Variants in PI4K2B observed in about 807,000 individuals in gnomAD.
PI4K2B encodes phosphatidylinositol 4-kinase type 2 beta.
In PI4K2B, 46 loss-of-function variants were observed where a neutral mutation model predicts 56.6. The observed-to-expected ratio is 0.81, with a 90% CI of 0.64 to 1.04. The LOEUF (loss-of-function observed/expected upper bound fraction) is 1.04, where lower values mean the gene tolerates loss of function less well. Ranked by LOEUF, PI4K2B falls within the 50% of genes least tolerant of loss-of-function variation. PI4K2B has a pLI of 0.00. For synonymous variants in PI4K2B, 211 were observed against 223.8 expected, an observed-to-expected ratio of 0.94 and a Z score of 0.51; for missense variants, 556 against 607.7, an observed-to-expected ratio of 0.91 and a Z score of 0.89.
chr4:25,265,990 G>A (rs938007272), intron 7 of PI4K2B, among the ~76,000 whole-genome samples: 1 of 149,102 alleles, frequency 6.7e-6, no homozygotes, highest in Non-Finnish European at 1.5e-5. Flanking sequence ...TGTATTTCAC[G>A]TGTGTAGAGG....
intron 9 of PI4K2B, among the ~76,000 whole-genome samples, chr4:25,272,754 T>A (rs1405239827): frequency 3.3e-5 from 5 of 152,110 alleles, no homozygotes; most frequent in Admixed American, 2.6e-4. Context: ...TAATCCCAGT[T>A]TGGGAGGCCA....
intron 1 of PI4K2B, among the ~76,000 whole-genome samples, chr4:25,237,296 A>G (rs1715303510): frequency 6.6e-6 from 1 of 152,130 alleles, no homozygotes; most frequent in African/African-American, 2.4e-5. Context: ...TGTATGCTTC[A>G]TATATATTAA....
chr4:25,269,969 G>A (rs573684281), intron 9 of PI4K2B, among the ~76,000 whole-genome samples: 1 of 152,204 alleles, frequency 6.6e-6, no homozygotes, highest in South Asian at 2.1e-4. Flanking sequence ...GCCCGCCTCA[G>A]CCTCCCAAAG....
rs143490621 is a variant in PI4K2B, at chr4:25,256,546, G to A, written c.628G>A (p.Val210Ile). 6.2e-7 allele frequency: 1 copy of A among 1,612,318 alleles called. No homozygotes were observed. Among genetic ancestry groups the A allele is most frequent in the African/African-American group, 1.3e-5 (1 of 74,742 alleles). The stretch of plus-strand genomic sequence containing the variant: ...TTTCTGAATTGTATGTTTCTAGGTG[G>A]TTTGGCTTGTCAGTGAGACATTTAA... ...HLSIVPKTKV[V>I]WLVSETFNYN... Residue 210 changes from valine to isoleucine, a missense_variant, in exon 4 of 10, where the codon GTT (valine) becomes ATT (isoleucine). Physicochemically the swap from Val to Ile is conservative, Grantham distance 29 (BLOSUM62 3). Coordinates refer to ENST00000264864, the MANE Select transcript of PI4K2B (RefSeq NM_018323.4).
chr4:25,254,968 GTA>G, intron 2 of PI4K2B, 95 bp from the exon 3 acceptor site: 1 of 757,206 alleles, frequency 1.3e-6, no homozygotes, highest in Non-Finnish European at 2.2e-6. Flanking sequence ...TACATCTGTG[GTA>G]GGAAGCAGTA....
Position 25,234,076 on chromosome 4 carries a change from T to C in PI4K2B, c.-88T>C. The C allele has an allele frequency of 9.0e-7, 1 of 1,115,046 alleles. No individual in the cohort carries two copies. The highest frequency in any genetic ancestry group is 4.2e-5 in the Admixed American group (1 of 23,560). The allele number at this position is 1,115,046 out of a possible 1,614,324, so 69.1% of individuals were successfully genotyped here. On this transcript the variant is annotated 5_prime_UTR_variant, in exon 1 of 10. Transcript: ENST00000264864. ...GTGAGGTGGCGTCCGTTCTACCCGG[T>C]CGCTCCCGTTCCGCGCCATGCAGAG...
chr4:25,250,154 G>C (rs998657390), intron 1 of PI4K2B, among the ~76,000 whole-genome samples: 1 of 152,218 alleles, frequency 6.6e-6, no homozygotes, highest in Non-Finnish European at 1.5e-5. Flanking sequence ...GTTGCAGTGA[G>C]CCGAGATGGC....
chr4:25,262,102 G>C (rs1028815964), intron 6 of PI4K2B, among the ~76,000 whole-genome samples: 4 of 152,018 alleles, frequency 2.6e-5, no homozygotes, highest in Non-Finnish European at 4.4e-5. Context: ...CTGAGACCCT[G>C]TGTCTACAAA....
chr4:25,265,462 G>A (rs1167016448), intron 7 of PI4K2B, among the ~76,000 whole-genome samples: 3 of 151,846 alleles, frequency 2.0e-5, no homozygotes, highest in Admixed American at 6.6e-5. Context: ...TTATGTTCAT[G>A]CTATATCGCT....
At chr4:25,236,185 A>G (rs989831113) in intron 1 of PI4K2B, among the ~76,000 whole-genome samples, 1 of 145,510 alleles carries the variant, frequency 6.9e-6, no homozygotes, top group African/African-American at 2.6e-5. Context: ...CTGTCTTGAG[A>G]CAGAGCAAGA....
chr4:25,254,357 T>A, intron 2 of PI4K2B: 1 of 831,906 alleles, frequency 1.2e-6, no homozygotes, highest in Non-Finnish European at 1.4e-6. Flanking sequence ...TAGTGAATAA[T>A]AACACTGTTT....
intron 9 of PI4K2B, 185 bp from the exon 10 acceptor site, chr4:25,276,829 G>A (rs557674939): frequency 3.2e-4 from 314 of 981,228 alleles, no homozygotes; most frequent in Non-Finnish European, 3.7e-4. Flanking sequence ...GCGTGTGTGT[G>A]TGCGCGTGTG....
In PI4K2B at chr4:25,234,213, G is replaced by A. The variant is rs757714447; in HGVS notation, c.50G>A (p.Ser17Asn). Residue 17 changes from serine (S) to asparagine (N), a missense_variant, in exon 1 of 10, where the codon AGC becomes AAC. Ser to Asn is a conservative substitution (Grantham distance 46). Transcript: ENST00000264864. The part of the protein sequence containing the change: ...PDRLASADGG[S>N]PEEEEDGERE... ...CGGTTGGCGTCCGCGGACGGCGGGA[G>A]CCCGGAGGAGGAGGAGGATGGGGAG... 4 of 1,414,686 alleles carry A rather than the reference G, an allele frequency of 2.8e-6. No individual in the cohort carries two copies. The highest frequency in any genetic ancestry group is 3.0e-5 in the South Asian group (2 of 67,162). The allele number at this position is 1,414,686 out of a possible 1,614,324, so 87.6% of individuals were successfully genotyped here.
At chr4:25,267,498 C>G (rs907616851) in intron 7 of PI4K2B, among the ~76,000 whole-genome samples, 3 of 152,174 alleles carry the variant, frequency 2.0e-5, no homozygotes, top group African/African-American at 7.2e-5. Flanking sequence ...GAGGCTATAG[C>G]GAACTATGAT....
rs764686506 is a variant in PI4K2B, at chr4:25,234,343, C to A, written c.180C>A (p.Gly60=). The A allele has an allele frequency of 6.7e-5, 94 of 1,407,310 alleles. No individual in the cohort carries two copies. In the African/African-American group the frequency reaches 1.3e-3, roughly 20 times the overall value. The allele number at this position is 1,407,310 out of a possible 1,614,324, so 87.2% of individuals were successfully genotyped here. Reference sequence around the variant, plus strand: ...CTGCCGGGGAGGAGGGCGAGGCCGGCGACGAGGAGCTGCCCCTCCCGCCCG... The same window carrying A: ...CTGCCGGGGAGGAGGGCGAGGCCGGAGACGAGGAGCTGCCCCTCCCGCCCG... ...LDAAGEEGEA[G]DEELPLPPGD... is the part of the protein sequence containing the mutation. The change falls in exon 1 of 10, where the codon GGC becomes GGA. Residue 60 remains glycine (G), a synonymous_variant. Coordinates refer to ENST00000264864, the MANE Select transcript of PI4K2B (RefSeq NM_018323.4).
Position 25,249,443 on chromosome 4 carries a change from C to T in PI4K2B, c.269-2878C>T, listed in dbSNP as rs1033116027. Among the ~76,000 whole-genome samples, 40 of 145,696 alleles carry T rather than the reference C, an allele frequency of 2.7e-4. 1 individual carries two copies. The highest frequency in any genetic ancestry group is 8.9e-4 in the African/African-American group (36 of 40,396). On this transcript the variant is annotated intron_variant, in intron 1 of 9. Coordinates refer to ENST00000264864, the MANE Select transcript of PI4K2B (RefSeq NM_018323.4). ...AGGGCGGCTGGCCGGGCGGGGGCTGCCCCCCGCCTCCCGGATGGGGCGGCT... is the reference window on the plus strand; with the variant it reads ...AGGGCGGCTGGCCGGGCGGGGGCTGTCCCCCGCCTCCCGGATGGGGCGGCT...
At chr4:25,234,527 G>A in intron 1 of PI4K2B, 96 bp downstream of exon 1, 1 of 901,774 alleles carries the variant, frequency 1.1e-6, no homozygotes, top group East Asian at 3.4e-5. Context: ...GGCCGAGGTG[G>A]ACGGGCTTTC....
chr4:25,263,799 T>C lies in PI4K2B; in HGVS notation c.1028T>C (p.Ile343Thr), dbSNP rs1409922347. The change falls in exon 7 of 10, where the codon ATT becomes ACT. Residue 343 changes from isoleucine to threonine, a missense_variant. Physicochemically the swap from Ile to Thr is moderately conservative, Grantham distance 89 (BLOSUM62 -1). Transcript: ENST00000264864. ...DEEFLIKIAA[I>T]DNGLAFPFKH... ...GAATTCCTTATTAAAATAGCTGCAA[T>C]TGATAATGGTCTAGCATTTCCTTTT... 11 of 1,541,904 alleles carry C rather than the reference T, an allele frequency of 7.1e-6. No individual in the cohort carries two copies. Among genetic ancestry groups the C allele is most frequent in the Non-Finnish European group, 9.9e-6 (11 of 1,115,738 alleles).
chr4:25,235,682 G>A (rs13129976), intron 1 of PI4K2B, among the ~76,000 whole-genome samples: 2 of 152,142 alleles, frequency 1.3e-5, no homozygotes, highest in African/African-American at 4.8e-5. Context: ...GGCAATTTGG[G>A]TATATGTTAC....
Sources: allele counts gnomAD v4.1 joint callset (sites outside exome capture counted in the v4.1 genomes callset), GRCh38; gene constraint gnomAD v4.1.1; transcripts MANE v1.5; gene names NCBI Gene and HGNC (gene_info 2026-07-23, HGNC 2026-07-21).